Variants in MBNL1 observed in about 807,000 individuals in gnomAD.
The protein encoded by MBNL1 is muscleblind like splicing regulator 1, also known as muscleblind-like protein 1.
A neutral mutation model predicts 42.2 loss-of-function variants in MBNL1; 8 were observed. That is an observed-to-expected ratio of 0.19 (90% CI 0.11 to 0.34). The LOEUF (loss-of-function observed/expected upper bound fraction) is 0.34. MBNL1 is among the 10% of genes least tolerant of loss of function. The pLI, the probability that MBNL1 is intolerant of heterozygous loss-of-function variation, is 1.00. For missense variants in MBNL1, 309 were observed against 495.3 expected, an observed-to-expected ratio of 0.62 and a Z score of 3.57; for synonymous variants, 169 against 173.9, an observed-to-expected ratio of 0.97 and a Z score of 0.22.
intron 2 of MBNL1, among the ~76,000 whole-genome samples, chr3:152,323,157 T>G (rs2077373125): frequency 1.3e-5 from 2 of 152,154 alleles, no homozygotes; most frequent in Admixed American, 6.6e-5. Context: ...AAAAATAGAT[T>G]TTATATTTAA....
chr3:152,452,483 A>G (rs1252647747), intron 6 of MBNL1, among the ~76,000 whole-genome samples: 1 of 152,164 alleles, frequency 6.6e-6, no homozygotes, highest in Non-Finnish European at 1.5e-5. Context: ...TTCATGCTTC[A>G]GTCACCGCTG....
intron 4 of MBNL1, among the ~76,000 whole-genome samples, chr3:152,442,432 A>C (rs899926918): frequency 6.6e-6 from 1 of 152,270 alleles, no homozygotes. Context: ...GCATACATAC[A>C]GAAGACTGGA....
intron 2 of MBNL1, among the ~76,000 whole-genome samples, chr3:152,353,736 T>C (rs1043748604): frequency 1.4e-5 from 2 of 147,984 alleles, no homozygotes; most frequent in African/African-American, 2.5e-5. Context: ...TAAAACATAG[T>C]GCACATCAGC....
At chr3:152,336,464 A>G (rs957115157) in intron 2 of MBNL1, among the ~76,000 whole-genome samples, 3 of 152,240 alleles carry the variant, frequency 2.0e-5, no homozygotes, top group South Asian at 2.1e-4. Context: ...TCACATTGAC[A>G]TGATTATATT....
intron 1 of MBNL1, among the ~76,000 whole-genome samples, chr3:152,288,234 G>A (rs777131405): frequency 4.6e-5 from 7 of 152,096 alleles, no homozygotes; most frequent in East Asian, 1.9e-4. Context: ...AAGTGAGGGC[G>A]GAATGTTTTT....
At chr3:152,269,758 C>T (rs988389062) in intron 1 of MBNL1, 3 of 221,362 alleles carry the variant, frequency 1.4e-5, no homozygotes, top group Non-Finnish European at 2.8e-5. Context: ...TGTAGTGCGT[C>T]ACTCAAAAAC....
chr3:152,383,133 G>A (rs992172560), intron 2 of MBNL1, among the ~76,000 whole-genome samples: 8 of 152,016 alleles, frequency 5.3e-5, no homozygotes, highest in Non-Finnish European at 8.8e-5. Flanking sequence ...AAACTTATCC[G>A]AATACTTACA....
At chr3:152,288,103 C>T (rs955535607) in intron 1 of MBNL1, among the ~76,000 whole-genome samples, 5 of 152,070 alleles carry the variant, frequency 3.3e-5, no homozygotes, top group East Asian at 1.9e-4. Context: ...AAAATAAAAG[C>T]GTTGGTAATG....
chr3:152,327,039 C>CCTCA (rs751515078), intron 2 of MBNL1, among the ~76,000 whole-genome samples: 16 of 151,914 alleles, frequency 1.1e-4, no homozygotes, highest in Non-Finnish European at 2.2e-4. Flanking sequence ...GAACTCCTGA[C>CCTCA]CTCAAATGAT....
At chr3:152,331,033 A>T (rs1052889721) in intron 2 of MBNL1, among the ~76,000 whole-genome samples, 2 of 152,112 alleles carry the variant, frequency 1.3e-5, no homozygotes, top group African/African-American at 4.8e-5. Flanking sequence ...GCAGAAAGTA[A>T]CCATTTTACG....
chr3:152,335,008 G>T, intron 2 of MBNL1: 1 of 1,022,172 alleles, frequency 9.8e-7, no homozygotes, highest in Non-Finnish European at 1.3e-6. Context: ...CAAGGAGATG[G>T]GTCTAAATGG....
chr3:152,362,772 A>C (rs2096070464), intron 2 of MBNL1, among the ~76,000 whole-genome samples: 1 of 152,206 alleles, frequency 6.6e-6, no homozygotes, highest in South Asian at 2.1e-4. Flanking sequence ...GACATTTAAC[A>C]GTTAAAGTAA....
intron 2 of MBNL1, among the ~76,000 whole-genome samples, chr3:152,318,974 A>T (rs1030358250): frequency 4.6e-5 from 7 of 152,190 alleles, no homozygotes; most frequent in African/African-American, 1.7e-4. Flanking sequence ...TATTTGTACT[A>T]CTGGAAGTTC....
Position 152,431,904 on chromosome 3 carries a change from A to T in MBNL1, c.346-813A>T, listed in dbSNP as rs2099012252. ...ATGATATGCAAGTTTGCATATCAAC[A>T]AATAGAAACAATCCTTATATATCCA... On this transcript the variant is annotated intron_variant, in intron 3 of 9. Transcript: ENST00000324210. Among the ~76,000 whole-genome samples, 3 of 152,248 alleles carry T rather than the reference A, an allele frequency of 2.0e-5. No homozygotes were observed. The South Asian group carries it at 6.2e-4, about 32-fold the overall frequency.
At chr3:152,289,545 A>C (rs2054610733) in intron 1 of MBNL1, among the ~76,000 whole-genome samples, 1 of 152,022 alleles carries the variant, frequency 6.6e-6, no homozygotes, top group Admixed American at 6.5e-5. Context: ...AGTCAGTGAA[A>C]ACATTATTCT....
intron 3 of MBNL1, among the ~76,000 whole-genome samples, chr3:152,430,994 CAATG>C (rs1175770715): frequency 3.9e-5 from 6 of 152,168 alleles, no homozygotes; most frequent in Non-Finnish European, 7.3e-5. Context: ...TGTTTCTTCT[CAATG>C]AATCACATTA....
At position 152,459,304 on chromosome 3, in the gene MBNL1, C is replaced by T. The variant is rs1026272758; in HGVS notation, c.1126C>T (p.His376Tyr). 6.3e-7 allele frequency: 1 copy of T among 1,580,706 alleles called. No individual in the cohort carries two copies. The highest frequency in any genetic ancestry group is 8.6e-7 in the Non-Finnish European group (1 of 1,162,904). ...AATATCTGCCGAACATCTGACTAGC[C>T]ACAAGTATGTTACCCAGATGTAGAA... ...PIISAEHLTS[H>Y]KYVTQM The change falls in exon 9 of 10, where the codon CAC becomes TAC. Residue 376 changes from histidine to tyrosine, a missense_variant. His to Tyr is a moderately conservative substitution (Grantham distance 83, BLOSUM62 2). Transcript: ENST00000324210.
intron 6 of MBNL1, among the ~76,000 whole-genome samples, chr3:152,452,752 C>T (rs979732939): frequency 3.9e-5 from 6 of 152,132 alleles, no homozygotes; most frequent in Admixed American, 3.9e-4. Context: ...GCTTACCTAC[C>T]ATCTTCAGAA....
At chr3:152,296,424 GTTAAAGA>G (rs2058553241) in intron 1 of MBNL1, among the ~76,000 whole-genome samples, 2 of 152,178 alleles carry the variant, frequency 1.3e-5, no homozygotes, top group Non-Finnish European at 2.9e-5. Flanking sequence ...AGAAAGATAG[GTTAAAGA>G]CTTGTGAGTA....
Sources: gnomAD v4.1 joint callset for allele counts (sites outside exome capture counted in the v4.1 genomes callset) on GRCh38, gnomAD v4.1.1 for gene constraint, MANE v1.5 for transcripts, NCBI Gene and HGNC (gene_info 2026-07-23, HGNC 2026-07-21) for gene names.